The following MYO5B variants were observed in gnomAD, a reference collection of about 807,000 sequenced individuals.
The protein encoded by MYO5B is myosin VB.
A neutral mutation model predicts 229.3 loss-of-function variants in MYO5B; 143 were observed. That is an observed-to-expected ratio of 0.62 (90% CI 0.54 to 0.72). MYO5B has a LOEUF of 0.72. Ranked by LOEUF, MYO5B falls within the 30% of genes least tolerant of loss-of-function variation. MYO5B has a pLI of 0.00. For synonymous variants in MYO5B, 918 were observed against 885.2 expected, an observed-to-expected ratio of 1.04 and a Z score of -0.66; for missense variants, 2,321 against 2,331.0, an observed-to-expected ratio of 1.00 and a Z score of 0.09.
At position 49,967,874 on chromosome 18, in the gene MYO5B, C is replaced by G. The variant is rs116170220; in HGVS notation, c.1323-4844G>C. On this transcript the variant is annotated intron_variant, in intron 10 of 39. Coordinates refer to ENST00000285039, the MANE Select transcript of MYO5B (RefSeq NM_001080467.3). ...CCCACCCAGGACTAGTTTTTTTAGA[C>G]AGAACACAATCCCAGGCACTGTTCA... is the stretch of plus-strand genomic sequence containing the variant. 6.1e-3 allele frequency among the ~76,000 whole-genome samples: 922 copies of G among 152,242 alleles called. 6 individuals carry two copies. The highest frequency in any genetic ancestry group is 0.019 in the African/African-American group (789 of 41,542).
At chr18:50,084,787 A>T (rs923444100) in intron 1 of MYO5B, among the ~76,000 whole-genome samples, 1 of 152,224 alleles carries the variant, frequency 6.6e-6, no homozygotes, top group Non-Finnish European at 1.5e-5. Context: ...GATCTTTGAC[A>T]AACCTGAGAA....
chr18:49,994,896 A>G (rs994029751), intron 5 of MYO5B, among the ~76,000 whole-genome samples: 4 of 152,210 alleles, frequency 2.6e-5, no homozygotes, highest in African/African-American at 4.8e-5. Flanking sequence ...GACCTTCAAC[A>G]TAAGCCAGGT....
chr18:49,881,454 G>GA (rs2024584306), intron 22 of MYO5B, among the ~76,000 whole-genome samples: 1 of 152,026 alleles, frequency 6.6e-6, no homozygotes, highest in African/African-American at 2.4e-5. Context: ...AGGTATAAAA[G>GA]AAAAAATACT....
chr18:49,947,670 G>A (rs1302139974), intron 14 of MYO5B, among the ~76,000 whole-genome samples: 5 of 152,132 alleles, frequency 3.3e-5, no homozygotes, highest in East Asian at 3.9e-4. Flanking sequence ...GCAGCCACCC[G>A]GGCATTTCTC....
chr18:49,876,271 T>G (rs1386422650), intron 25 of MYO5B: 1 of 281,746 alleles, frequency 3.5e-6, no homozygotes, highest in Non-Finnish European at 6.8e-6. Flanking sequence ...ATCACTTGAT[T>G]GCATCTTGAA....
intron 29 of MYO5B, among the ~76,000 whole-genome samples, chr18:49,857,161 C>T (rs539472320): frequency 6.6e-6 from 1 of 152,314 alleles, no homozygotes; most frequent in African/African-American, 2.4e-5. Flanking sequence ...AGCATGCTGC[C>T]CCAGAGACAG....
chr18:49,945,326 A>G (rs1311748113), intron 14 of MYO5B, among the ~76,000 whole-genome samples: 1 of 152,190 alleles, frequency 6.6e-6, no homozygotes, highest in African/African-American at 2.4e-5. Context: ...GGGAACTCCG[A>G]ATTCAATACA....
chr18:50,132,426 A>G (rs949189559), intron 1 of MYO5B, among the ~76,000 whole-genome samples: 5 of 152,212 alleles, frequency 3.3e-5, no homozygotes, highest in South Asian at 2.1e-4. Context: ...ATTGAATATG[A>G]GATTAATATA....
rs781366616 is a variant in MYO5B at position 49,839,268 on chromosome 18, C to G, written c.4728G>C (p.Lys1576Asn). The change falls in exon 36 of 40, where the codon AAG becomes AAC. Residue 1576 changes from lysine to asparagine, a missense_variant. Lys to Asn is a moderately conservative substitution (Grantham distance 94). Coordinates refer to ENST00000285039, the MANE Select transcript of MYO5B (RefSeq NM_001080467.3). The part of the protein sequence containing the change: ...DEGFMTQNTA[K>N]QNEHCLKNFD... ...AATTCTTAAGACAGTGTTCATTCTGCTTTGCAGTGTTCTGAGTCATGAAGC... is the reference window on the plus strand; with the variant it reads ...AATTCTTAAGACAGTGTTCATTCTGGTTTGCAGTGTTCTGAGTCATGAAGC... The G allele has an allele frequency of 1.2e-6, 2 of 1,614,124 alleles. No homozygotes were observed. The highest frequency in any genetic ancestry group is 1.7e-6 in the Non-Finnish European group (2 of 1,180,044).
At chr18:50,027,064 G>A (rs762511883) in intron 4 of MYO5B, among the ~76,000 whole-genome samples, 1 of 152,174 alleles carries the variant, frequency 6.6e-6, no homozygotes, top group Non-Finnish European at 1.5e-5. Flanking sequence ...GGATATAAAT[G>A]TGAAAATACA....
chr18:49,978,200 GCCTC>G (rs1382232007), intron 9 of MYO5B, among the ~76,000 whole-genome samples: 3 of 152,000 alleles, frequency 2.0e-5, no homozygotes, highest in African/African-American at 7.2e-5. Flanking sequence ...CTCCATCCAT[GCCTC>G]CCTAAGAGGC....
chr18:49,933,494 G>C (rs896606569), intron 16 of MYO5B, among the ~76,000 whole-genome samples: 2 of 152,234 alleles, frequency 1.3e-5, no homozygotes, highest in African/African-American at 4.8e-5. Context: ...AGAGGAAAAA[G>C]CCTTTTGTAT....
intron 27 of MYO5B, 68 bp from the exon 28 acceptor site, chr18:49,864,448 C>T (rs923531404): frequency 6.3e-7 from 1 of 1,584,014 alleles, no homozygotes; most frequent in Non-Finnish European, 8.6e-7. Flanking sequence ...TGTGGGCCTC[C>T]CCTCCTCCCC....
At position 49,906,403 on chromosome 18, in the gene MYO5B, CCA is replaced by C. The variant is rs1301143409; in HGVS notation, c.2414+14_2414+15del. The C allele has an allele frequency of 1.2e-6, 2 of 1,613,386 alleles. No homozygotes were observed. The highest frequency in any genetic ancestry group is 2.2e-5 in the East Asian group (1 of 44,874). On this transcript the variant is annotated intron_variant, in intron 19 of 39. Transcript: ENST00000285039. ...CACCATGATCTGCTGCCCTGAGCTG[CCA>C]CAGTCTGGCTCACCTGCGGGCCAGG...
chr18:49,923,715 T>A (rs1486880027), intron 17 of MYO5B, among the ~76,000 whole-genome samples: 2 of 152,100 alleles, frequency 1.3e-5, no homozygotes, highest in African/African-American at 4.8e-5. Context: ...GGAGAAACCC[T>A]TGAAGCAACA....
chr18:49,833,728 T>C (rs986210007), intron 39 of MYO5B, among the ~76,000 whole-genome samples: 11 of 152,216 alleles, frequency 7.2e-5, no homozygotes, highest in Non-Finnish European at 1.2e-4. Flanking sequence ...CACTTTTGTA[T>C]AAATTATCAG....
At chr18:49,974,644 G>A (rs1350684686) in intron 9 of MYO5B, 29 bp from the exon 10 acceptor site, 10 of 1,607,964 alleles carry the variant, frequency 6.2e-6, no homozygotes, top group South Asian at 4.4e-5. Flanking sequence ...ATAGGTTCAG[G>A]AGGAGTGTGG....
intron 10 of MYO5B, among the ~76,000 whole-genome samples, chr18:49,973,035 C>A (rs1351971460): frequency 1.3e-5 from 2 of 152,142 alleles, no homozygotes; most frequent in East Asian, 3.9e-4. Context: ...CAAATCTTAG[C>A]TCCCACATAA....
At chr18:49,980,593 G>C in intron 8 of MYO5B, 40 bp from the exon 9 acceptor site, 1 of 1,418,528 alleles carries the variant, frequency 7.0e-7, no homozygotes, top group Non-Finnish European at 1.0e-6. Flanking sequence ...CAGTATCCAT[G>C]GTCGGACAGA....
Sources: gnomAD v4.1 joint callset for allele counts (sites outside exome capture counted in the v4.1 genomes callset) on GRCh38, gnomAD v4.1.1 for gene constraint, MANE v1.5 for transcripts, NCBI Gene and HGNC (gene_info 2026-07-23, HGNC 2026-07-21) for gene names.